Variants in JPH1 observed in about 807,000 individuals in gnomAD.
JPH1 encodes the protein junctophilin 1.
JPH1 carries 12 observed loss-of-function variants against 53.6 expected under a neutral mutation model. That is an observed-to-expected ratio of 0.22 (90% confidence interval 0.14 to 0.36). JPH1 has a LOEUF of 0.36. JPH1 is among the 10% of genes least tolerant of loss of function. The probability of loss-of-function intolerance (pLI) is 1.00; values close to 1 mark genes in which losing one functional copy is unlikely to be tolerated. For missense variants in JPH1, 808 were observed against 905.5 expected, an observed-to-expected ratio of 0.89 and a Z score of 1.38; for synonymous variants, 375 against 363.8, an observed-to-expected ratio of 1.03 and a Z score of -0.35.
chr8:74,244,603 T>C lies in JPH1; in HGVS notation c.1831A>G (p.Lys611Glu). 1 of 1,614,192 alleles carries C rather than the reference T, an allele frequency of 6.2e-7. No homozygotes were observed. The change falls in exon 4 of 6, where the codon AAG becomes GAG. Residue 611 changes from lysine (K) to glutamate (E), a missense_variant. By Grantham distance (56) the Lys-to-Glu change is moderately conservative. This residue lies in a region of JPH1 where 756 missense variants were observed against 811.9 expected (regional missense o/e 0.93). Transcript: ENST00000342232. ...KESKAEPKAK[K>E]SELAIPKNPA... Reference sequence around the variant, plus strand: ...TTCTTTGGTATAGCAAGTTCAGACTTCTTAGCTTTTGGCTCAGCTTTGCTT... The same window carrying C: ...TTCTTTGGTATAGCAAGTTCAGACTCCTTAGCTTTTGGCTCAGCTTTGCTT...
At chr8:74,252,841 A>C (rs1052485739) in intron 3 of JPH1, among the ~76,000 whole-genome samples, 3 of 152,250 alleles carry the variant, frequency 2.0e-5, no homozygotes, top group Non-Finnish European at 4.4e-5. Context: ...AGAAGAACTA[A>C]CTATCCTAAA....
At chr8:74,273,548 T>A (rs760946469) in intron 2 of JPH1, among the ~76,000 whole-genome samples, 1 of 152,162 alleles carries the variant, frequency 6.6e-6, no homozygotes, top group Non-Finnish European at 1.5e-5. Context: ...TGACAACAAG[T>A]CAGGATCGCT....
At chr8:74,304,901 A>G (rs188457607) in intron 2 of JPH1, among the ~76,000 whole-genome samples, 47 of 152,354 alleles carry the variant, frequency 3.1e-4, no homozygotes, top group African/African-American at 1.0e-3. Flanking sequence ...AAAGAGTTGT[A>G]CTATTTGGGA....
chr8:74,318,955 G>A (rs1024475717), intron 1 of JPH1, among the ~76,000 whole-genome samples: 1 of 151,830 alleles, frequency 6.6e-6, no homozygotes, highest in Non-Finnish European at 1.5e-5. Context: ...ATTCAGTAGT[G>A]ATTTTTAAGG....
Position 74,294,012 on chromosome 8 carries a change from T to A in JPH1, c.1139+20849A>T, listed in dbSNP as rs149655086. ...CCCTTCACTGCAGGAAAGGGCTGCC[T>A]TCATCTCAGCCCCGACTTCCAAAAC... is the stretch of plus-strand genomic sequence containing the variant. On this transcript the variant is annotated intron_variant, in intron 2 of 5. Transcript: ENST00000342232. Among the ~76,000 whole-genome samples the A allele has an allele frequency of 6.6e-4, 100 of 152,260 alleles. 1 individual carries two copies. In the East Asian group the frequency reaches 0.018, roughly 28 times the overall value.
chr8:74,279,546 G>C (rs1035295319), intron 2 of JPH1, among the ~76,000 whole-genome samples: 1 of 152,196 alleles, frequency 6.6e-6, no homozygotes, highest in Non-Finnish European at 1.5e-5. Flanking sequence ...GGGCTTAAGA[G>C]AATGGATTCC....
At chr8:74,310,251 A>G (rs1482993524) in intron 2 of JPH1, among the ~76,000 whole-genome samples, 2 of 151,432 alleles carry the variant, frequency 1.3e-5, no homozygotes, top group Admixed American at 1.3e-4. Flanking sequence ...ATTTCTTGAG[A>G]TATTTAGAGT....
Position 74,315,406 on chromosome 8 carries a change from G to T in JPH1, c.594C>A (p.His198Gln), listed in dbSNP as rs761818486. ...GTRGGFVLNF[H>Q]ADAELAGKKK... ...TCTTGCCCGCTAGCTCAGCGTCTGCGTGGAAGTTGAGCACGAAACCGCCGC... is the reference window on the plus strand; with the variant it reads ...TCTTGCCCGCTAGCTCAGCGTCTGCTTGGAAGTTGAGCACGAAACCGCCGC... The change falls in exon 2 of 6, where the codon CAC becomes CAA. Residue 198 changes from histidine (H) to glutamine (Q), a missense_variant. Around this residue, in one of 2 missense-constraint regions of JPH1, gnomAD observed 756 missense variants for 811.9 expected, o/e 0.93. Coordinates refer to ENST00000342232, the MANE Select transcript of JPH1 (RefSeq NM_020647.4). This position sits in a 1 kb window ranked among gnomAD's most constrained non-coding sequence, Gnocchi z 6.3. The T allele has an allele frequency of 6.2e-7, 1 of 1,612,318 alleles. No individual in the cohort carries two copies. The highest frequency in any genetic ancestry group is 8.5e-7 in the Non-Finnish European group (1 of 1,179,934).
chr8:74,284,102 A>G (rs1298278111), intron 2 of JPH1, among the ~76,000 whole-genome samples: 1 of 152,186 alleles, frequency 6.6e-6, no homozygotes, highest in African/African-American at 2.4e-5. Flanking sequence ...TGGTTGGGGA[A>G]AAAGCCCTCA....
chr8:74,295,726 G>A (rs1807488357), intron 2 of JPH1, among the ~76,000 whole-genome samples: 2 of 152,132 alleles, frequency 1.3e-5, no homozygotes, highest in Non-Finnish European at 2.9e-5. Flanking sequence ...CTAGTATCCT[G>A]AGGAAAAGCA....
intron 2 of JPH1, among the ~76,000 whole-genome samples, chr8:74,272,850 C>CGAGACAA (rs1376424078): frequency 1.3e-5 from 2 of 151,738 alleles, no homozygotes; most frequent in Non-Finnish European, 2.9e-5. Flanking sequence ...GTGATCCGCC[C>CGAGACAA]GTCTCGGCCT....
intron 2 of JPH1, among the ~76,000 whole-genome samples, chr8:74,311,682 C>A (rs1808000498): frequency 8.1e-6 from 1 of 122,812 alleles, no homozygotes; most frequent in Non-Finnish European, 1.7e-5. Context: ...CCCCCCACCC[C>A]ACAACAGTCC....
chr8:74,256,156 T>C (rs1338764391), intron 3 of JPH1, among the ~76,000 whole-genome samples: 1 of 152,102 alleles, frequency 6.6e-6, no homozygotes, highest in Non-Finnish European at 1.5e-5. Context: ...TGTCCAACAA[T>C]GATAGACTGG....
At chr8:74,257,990 C>A (rs1806286949) in intron 3 of JPH1, among the ~76,000 whole-genome samples, 1 of 152,164 alleles carries the variant, frequency 6.6e-6, no homozygotes, top group African/African-American at 2.4e-5. Context: ...TTCTCCAGGT[C>A]ATTTCTCATT....
intron 1 of JPH1, among the ~76,000 whole-genome samples, chr8:74,317,110 C>T (rs1000213089): frequency 2.6e-5 from 4 of 152,166 alleles, no homozygotes; most frequent in Non-Finnish European, 4.4e-5. Context: ...TTTCAAAACA[C>T]CGGGCAAAAA....
intron 2 of JPH1, among the ~76,000 whole-genome samples, chr8:74,282,013 C>T (rs1405329381): frequency 6.6e-6 from 1 of 152,202 alleles, no homozygotes; most frequent in East Asian, 1.9e-4. Flanking sequence ...TTCCATAGTT[C>T]CCTGTGTTGG....
intron 2 of JPH1, among the ~76,000 whole-genome samples, chr8:74,289,541 C>G (rs560404492): frequency 2.0e-5 from 3 of 152,186 alleles, no homozygotes; most frequent in Non-Finnish European, 4.4e-5. Context: ...GTGCCCTTTT[C>G]TCATCCTCTT....
intron 2 of JPH1, among the ~76,000 whole-genome samples, chr8:74,260,213 G>A (rs1159344016): frequency 6.6e-6 from 1 of 152,292 alleles, no homozygotes; most frequent in East Asian, 1.9e-4. Context: ...AGGAGACAGC[G>A]AGGCAGAACT....
intron 2 of JPH1, among the ~76,000 whole-genome samples, chr8:74,268,997 C>G (rs1490824408): frequency 1.3e-5 from 2 of 152,072 alleles, no homozygotes; most frequent in African/African-American, 4.8e-5. Flanking sequence ...TAAGCAAACA[C>G]CATTCACTCC....
Sources: gnomAD v4.1 joint callset for allele counts (sites outside exome capture counted in the v4.1 genomes callset) on GRCh38, gnomAD v4.1.1 for gene constraint, gnomAD v4.1.1 regional missense constraint, Gnocchi (gnomAD v3.1) non-coding constraint, MANE v1.5 for transcripts, NCBI Gene and HGNC (gene_info 2026-07-23, HGNC 2026-07-21) for gene names.